Variants in IKZF1 observed in about 807,000 individuals in gnomAD.
IKZF1 encodes the protein IKAROS family zinc finger 1.
In IKZF1, 10 loss-of-function variants were observed where a neutral mutation model predicts 51.7. The observed-to-expected ratio is 0.19, with a 90% confidence interval of 0.12 to 0.33. The LOEUF is 0.33. Ranked by LOEUF, IKZF1 falls within the 10% of genes least tolerant of loss-of-function variation. The pLI is 1.00. For missense variants in IKZF1, 484 were observed against 707.5 expected (o/e 0.68, Z 3.58); for synonymous variants, 280 against 282.3 (o/e 0.99, Z 0.08).
intron 1 of IKZF1, among the ~76,000 whole-genome samples, chr7:50,310,623 T>C (rs184945297): frequency 6.6e-6 from 1 of 152,202 alleles, no homozygotes; most frequent in African/African-American, 2.4e-5. Flanking sequence ...GACCTTACGA[T>C]GTGATGAATG....
chr7:50,330,535 G>A (rs1255157615), intron 3 of IKZF1, among the ~76,000 whole-genome samples: 1 of 152,232 alleles, frequency 6.6e-6, no homozygotes, highest in Admixed American at 6.5e-5. Flanking sequence ...AGTGCCCAAG[G>A]AGACATGGAG....
intron 1 of IKZF1, among the ~76,000 whole-genome samples, chr7:50,311,882 T>G (rs1584381292): frequency 6.6e-6 from 1 of 152,056 alleles, no homozygotes; most frequent in East Asian, 1.9e-4. Flanking sequence ...TAAAAAAAAA[T>G]GAAGAAAAAA....
At chr7:50,332,035 T>C (rs1796539751) in intron 3 of IKZF1, among the ~76,000 whole-genome samples, 2 of 152,146 alleles carry the variant, frequency 1.3e-5, no homozygotes, top group East Asian at 3.9e-4. Context: ...TGGTTGTGTA[T>C]GAAACTGTTT....
intron 7 of IKZF1, among the ~76,000 whole-genome samples, chr7:50,393,284 A>G (rs960098161): frequency 1.3e-5 from 2 of 152,106 alleles, no homozygotes; most frequent in Non-Finnish European, 2.9e-5. Flanking sequence ...CTAGGAAAAG[A>G]TGGGGTTCTG....
intron 3 of IKZF1, among the ~76,000 whole-genome samples, chr7:50,375,795 A>C (rs1584881915): frequency 1.3e-5 from 2 of 148,936 alleles, no homozygotes; most frequent in African/African-American, 5.0e-5. Flanking sequence ...TTCATAAACT[A>C]TCCCAATTAA....
Position 50,305,546 on chromosome 7 carries a change from A to T in IKZF1, c.-15+624A>T, listed in dbSNP as rs145643945. ...GGGCTTGTTTTTCCTTCTAATTTGGAGGCATCTAATGACCGAAAACCGTAG... is the reference window on the plus strand; with the variant it reads ...GGGCTTGTTTTTCCTTCTAATTTGGTGGCATCTAATGACCGAAAACCGTAG... On this transcript the variant is annotated intron_variant, in intron 1 of 7. Transcript: ENST00000331340. 1.4e-3 allele frequency among the ~76,000 whole-genome samples: 209 copies of T among 152,270 alleles called. 1 individual carries two copies. Among genetic ancestry groups the T allele is most frequent in the African/African-American group, 4.9e-3 (203 of 41,560 alleles).
rs2153521014 is a variant in IKZF1 at position 50,401,817 on chromosome 7, TC to T, written c.*1191del. 4.5e-6 allele frequency: 1 copy of T among 223,464 alleles called. No individual in the cohort carries two copies. The highest frequency in any genetic ancestry group is 2.2e-5 in the African/African-American group (1 of 44,926). The allele number at this position is 223,464 out of a possible 1,614,324, so 13.8% of individuals were successfully genotyped here. On this transcript the variant is annotated 3_prime_UTR_variant, in exon 8 of 8. Transcript: ENST00000331340. The stretch of plus-strand genomic sequence containing the variant: ...AATGAAATATGTGAAGCCCAGCATC[TC>T]TGTTGCTAACACACAGAGCTCACCT...
chr7:50,340,549 C>A (rs1232785299), intron 3 of IKZF1, among the ~76,000 whole-genome samples: 1 of 152,210 alleles, frequency 6.6e-6, no homozygotes, highest in African/African-American at 2.4e-5. Context: ...GAAGTGAAAT[C>A]CTGCTGAAAT....
At chr7:50,324,806 T>A (rs189598997) in intron 2 of IKZF1, among the ~76,000 whole-genome samples, 98 of 152,328 alleles carry the variant, frequency 6.4e-4, no homozygotes, top group African/African-American at 2.2e-3. Flanking sequence ...TATTTTAGCA[T>A]GCACTGAGCG....
chr7:50,394,321 C>T (rs1325351621), intron 7 of IKZF1: 1 of 233,026 alleles, frequency 4.3e-6, no homozygotes, highest in Non-Finnish European at 8.5e-6. Context: ...TCAGTCACTC[C>T]CAATGTGTCA....
At chr7:50,379,266 C>A (rs1359917891) in intron 4 of IKZF1, among the ~76,000 whole-genome samples, 1 of 152,180 alleles carries the variant, frequency 6.6e-6, no homozygotes, top group Non-Finnish European at 1.5e-5. Context: ...GACGGGAATC[C>A]CCACTGGACA....
chr7:50,368,023 G>T, intron 3 of IKZF1: 2 of 699,918 alleles, frequency 2.9e-6, no homozygotes, highest in South Asian at 3.0e-5. Flanking sequence ...TGGGGCTGAT[G>T]ACTTTAGGGA....
chr7:50,348,900 G>A (rs1188800594), intron 3 of IKZF1, among the ~76,000 whole-genome samples: 1 of 152,180 alleles, frequency 6.6e-6, no homozygotes, highest in African/African-American at 2.4e-5. Flanking sequence ...CTTGTCATGG[G>A]CAGGCATGGC....
At chr7:50,347,096 G>A (rs1380194426) in intron 3 of IKZF1, among the ~76,000 whole-genome samples, 1 of 152,128 alleles carries the variant, frequency 6.6e-6, no homozygotes, top group African/African-American at 2.4e-5. Flanking sequence ...ATCTCATTTG[G>A]TTCAGTGTAT....
rs1261826984 is a variant in IKZF1 at position 50,400,040 on chromosome 7, G to C, written c.973G>C (p.Glu325Gln). The C allele has an allele frequency of 6.2e-7, 1 of 1,610,284 alleles. No individual in the cohort carries two copies. The highest frequency in any genetic ancestry group is 8.5e-7 in the Non-Finnish European group (1 of 1,178,620). Residue 325 changes from glutamate to glutamine, a missense_variant, in exon 8 of 8, where the codon GAG becomes CAG. Around this residue, in one of 6 missense-constraint regions of IKZF1, gnomAD observed 172 missense variants for 192.7 expected, o/e 0.89. Transcript: ENST00000331340. The surrounding 1 kb of genome is among the most constrained non-coding windows in gnomAD (Gnocchi z 5.4). ...CAACGCCATCAACTACCTGGGGGCC[G>C]AGTCCCTGCGCCCGCTGGTGCAGAC... is the stretch of plus-strand genomic sequence containing the variant. ...INNAINYLGA[E>Q]SLRPLVQTPP...
At chr7:50,335,121 T>C (rs2153403019) in intron 3 of IKZF1, among the ~76,000 whole-genome samples, 1 of 149,998 alleles carries the variant, frequency 6.7e-6, no homozygotes, top group East Asian at 2.0e-4. Context: ...TATATGTTTA[T>C]GGGATGTGTG....
intron 2 of IKZF1, among the ~76,000 whole-genome samples, chr7:50,319,571 A>G (rs1002436690): frequency 2.6e-5 from 4 of 152,114 alleles, no homozygotes; most frequent in African/African-American, 4.8e-5. Context: ...CATCCAGGAG[A>G]CCCAGGAAGT....
intron 7 of IKZF1, among the ~76,000 whole-genome samples, chr7:50,393,270 G>A (rs1319486966): frequency 6.6e-6 from 1 of 152,116 alleles, no homozygotes; most frequent in Admixed American, 6.5e-5. Flanking sequence ...GATAACACCA[G>A]GTTCTAGGAA....
intron 7 of IKZF1, among the ~76,000 whole-genome samples, chr7:50,397,765 A>G (rs946806444): frequency 6.6e-6 from 1 of 152,178 alleles, no homozygotes; most frequent in African/African-American, 2.4e-5. Context: ...TCTGACCTTT[A>G]ATGGAGAGAA....
Sources: gnomAD v4.1 joint callset for allele counts (sites outside exome capture counted in the v4.1 genomes callset) on GRCh38, gnomAD v4.1.1 for gene constraint, gnomAD v4.1.1 regional missense constraint, Gnocchi (gnomAD v3.1) non-coding constraint, MANE v1.5 for transcripts, NCBI Gene and HGNC (gene_info 2026-07-23, HGNC 2026-07-21) for gene names.